IHO1: variants seen among roughly 807,000 people sequenced by gnomAD.
IHO1 encodes the protein interactor of HORMAD1 1, also known as interactor of HORMAD1 protein 1.
In IHO1, 13 loss-of-function variants were observed where a neutral mutation model predicts 31.0. The observed-to-expected ratio is 0.42, with a 90% confidence interval of 0.27 to 0.67. The LOEUF is 0.67. Among genes scored for constraint, IHO1 ranks in the 30% least tolerant of loss-of-function variants. The pLI, the probability that IHO1 is intolerant of heterozygous loss-of-function variation, is 0.24. For synonymous variants in IHO1, 221 were observed against 248.4 expected (o/e 0.89, Z 1.04); for missense variants, 599 against 687.5 (o/e 0.87, Z 1.44).
chr3:49,209,360 C>T (rs1053234470), intron 1 of IHO1, among the ~76,000 whole-genome samples: 4 of 152,060 alleles, frequency 2.6e-5, no homozygotes, highest in African/African-American at 7.2e-5. Flanking sequence ...TCTGGCTGGG[C>T]ACAGTGGCTT....
chr3:49,235,259 C>G (rs2107717213), intron 2 of IHO1, among the ~76,000 whole-genome samples: 2 of 142,488 alleles, frequency 1.4e-5, no homozygotes, highest in South Asian at 4.5e-4. Context: ...AGGAGTCTTA[C>G]TCTGTTGCCC....
intron 1 of IHO1, among the ~76,000 whole-genome samples, chr3:49,208,221 A>AT (rs2046165601): frequency 6.6e-6 from 1 of 152,196 alleles, no homozygotes; most frequent in Non-Finnish European, 1.5e-5. Flanking sequence ...TTACAATGCA[A>AT]TTTAGTTCCC....
chr3:49,209,739 G>A (rs1049484258), intron 1 of IHO1, among the ~76,000 whole-genome samples: 2 of 151,156 alleles, frequency 1.3e-5, no homozygotes, highest in Admixed American at 1.3e-4. Context: ...TTTTGAGAAG[G>A]AGTCTTGCAC....
At chr3:49,222,781 G>A (rs1199090993) in intron 2 of IHO1, among the ~76,000 whole-genome samples, 3 of 152,040 alleles carry the variant, frequency 2.0e-5, no homozygotes, top group Non-Finnish European at 4.4e-5. Context: ...CCAATGGTTC[G>A]CAAGTTTATT....
chr3:49,224,801 C>T (rs1459358700), intron 2 of IHO1, among the ~76,000 whole-genome samples: 1 of 152,232 alleles, frequency 6.6e-6, no homozygotes, highest in Admixed American at 6.5e-5. Context: ...GGCAGTCACA[C>T]TTGATTGGTT....
Position 49,256,138 on chromosome 3 carries a change from A to C in IHO1, c.641A>C (p.Gln214Pro). The change falls in exon 8 of 8, where the codon CAA (glutamine) becomes CCA (proline). Residue 214 changes from glutamine (Q) to proline (P), a missense_variant. Coordinates refer to ENST00000452691, the MANE Select transcript of IHO1 (RefSeq NM_001135197.2). The surrounding 1 kb of genome is among the most constrained non-coding windows in gnomAD (Gnocchi z 4.6). ...LEMKKRFEAR[Q>P]GEFIEMKSNL... ...TCTCACTGCCTCTCTCCCCAGAGAC[A>C]AGGAGAGTTTATAGAAATGAAGTCC... is the stretch of plus-strand genomic sequence containing the variant. 3.1e-6 allele frequency: 5 copies of C among 1,604,320 alleles called. No individual in the cohort carries two copies. The highest frequency in any genetic ancestry group is 4.3e-6 in the Non-Finnish European group (5 of 1,175,188).
chr3:49,207,578 C>A (rs2046155416), intron 1 of IHO1, among the ~76,000 whole-genome samples: 1 of 151,552 alleles, frequency 6.6e-6, no homozygotes, highest in South Asian at 2.1e-4. Context: ...TAGAAGCTGC[C>A]GATTTAATAC....
chr3:49,256,913 T>G lies in IHO1; in HGVS notation c.1416T>G (p.Asn472Lys). ...KQIPIQTCKF[N>K]SKYQSPQPAI... is the part of the protein sequence containing the mutation. The stretch of plus-strand genomic sequence containing the variant: ...TCCCAATCCAGACCTGTAAATTCAA[T>G]TCCAAATATCAGAGTCCTCAGCCTG... The change falls in exon 8 of 8, where the codon AAT becomes AAG. Residue 472 changes from asparagine to lysine, a missense_variant. By Grantham distance (94) the Asn-to-Lys change is moderately conservative. Transcript: ENST00000452691. This position sits in a 1 kb window ranked among gnomAD's most constrained non-coding sequence, Gnocchi z 4.6. 6.2e-7 allele frequency: 1 copy of G among 1,614,168 alleles called. No homozygotes were observed. Among genetic ancestry groups the G allele is most frequent in the Non-Finnish European group, 8.5e-7 (1 of 1,180,022 alleles).
At chr3:49,196,540 T>TGGAATGACCTCGGCTCACTGCAAC (rs2045997697), upstream of IHO1, among the ~76,000 whole-genome samples, 1 of 150,818 alleles carries the variant, frequency 6.6e-6, no homozygotes, top group African/African-American at 2.4e-5. Flanking sequence ...TGGAGTGCAA[T>TGGAATGACCTCGGCTCACTGCAAC]GGCATGACCT....
chr3:49,244,720 T>G lies in IHO1; in HGVS notation c.519T>G (p.Thr173=). The G allele has an allele frequency of 6.2e-7, 1 of 1,614,096 alleles. No homozygotes were observed. The highest frequency in any genetic ancestry group is 8.5e-7 in the Non-Finnish European group (1 of 1,179,960). ...RSQSILDSLE[T]VAKTLQETIQ... ...AATCTATTTTGGATTCTTTGGAGAC[T>G]GTGGCCAAGACATGTGAGTGCCTCA... The change falls in exon 6 of 8, where the codon ACT becomes ACG. Residue 173 remains threonine, a synonymous_variant. Transcript: ENST00000452691.
Position 49,256,912 on chromosome 3 carries a change from A to G in IHO1, c.1415A>G (p.Asn472Ser), listed in dbSNP as rs749746107. The part of the protein sequence containing the change: ...KQIPIQTCKF[N>S]SKYQSPQPAI... The stretch of plus-strand genomic sequence containing the variant: ...ATCCCAATCCAGACCTGTAAATTCA[A>G]TTCCAAATATCAGAGTCCTCAGCCT... Residue 472 changes from asparagine to serine, a missense_variant, in exon 8 of 8, where the codon AAT (asparagine) becomes AGT (serine). Transcript: ENST00000452691. This position sits in a 1 kb window ranked among gnomAD's most constrained non-coding sequence, Gnocchi z 4.6. 5.0e-6 allele frequency: 8 copies of G among 1,614,214 alleles called. No homozygotes were observed. The highest frequency in any genetic ancestry group is 6.8e-6 in the Non-Finnish European group (8 of 1,180,038).
At chr3:49,251,379 G>A in intron 6 of IHO1, among the ~76,000 whole-genome samples, 1 of 149,914 alleles carries the variant, frequency 6.7e-6, no homozygotes, top group East Asian at 2.0e-4. Flanking sequence ...TCTGCCTCCT[G>A]GGTTCAAGTG....
chr3:49,253,427 AAAAG>A (rs1445260095), intron 6 of IHO1, among the ~76,000 whole-genome samples: 3 of 152,246 alleles, frequency 2.0e-5, no homozygotes, highest in Admixed American at 6.5e-5. Flanking sequence ...CTGTCTCAAA[AAAAG>A]AAAGAAAGAA....
chr3:49,193,875 T>C (rs1289056415), upstream of IHO1, among the ~76,000 whole-genome samples: 2 of 149,244 alleles, frequency 1.3e-5, no homozygotes, highest in East Asian at 4.0e-4. Context: ...GGCAGAAGAA[T>C]CGCTTGAACC....
chr3:49,237,923 C>CA (rs1259790863), intron 3 of IHO1, among the ~76,000 whole-genome samples: 6 of 61,744 alleles, frequency 9.7e-5, no homozygotes, highest in Admixed American at 5.2e-4. Flanking sequence ...TTTTTTGAGA[C>CA]AGAGTCTTGC....
At chr3:49,239,912 C>T (rs979585185) in intron 3 of IHO1, among the ~76,000 whole-genome samples, 15 of 152,080 alleles carry the variant, frequency 9.9e-5, no homozygotes, top group Non-Finnish European at 1.6e-4. Context: ...CTGCCCACTT[C>T]GGCCTCCCAA....
chr3:49,241,075 T>A (rs541917268), intron 3 of IHO1, 151 bp from the exon 4 acceptor site: 9 of 474,586 alleles, frequency 1.9e-5, no homozygotes, highest in Non-Finnish European at 3.3e-5. Context: ...AATTTTCTGG[T>A]GTATACAAAG....
In IHO1 at chr3:49,211,750, C is replaced by T. The variant is rs765296468; in HGVS notation, c.-15-16C>T. On this transcript the variant is annotated splice_polypyrimidine_tract_variant and intron_variant, in intron 1 of 7. Coordinates refer to ENST00000452691, the MANE Select transcript of IHO1 (RefSeq NM_001135197.2). ...TACTGTTAACTTTCTTAATATTCAC[C>T]TATTCTTTCTAATAGGTATAACTAT... 40 of 1,190,774 alleles carry T rather than the reference C, an allele frequency of 3.4e-5. 1 individual carries two copies. In the South Asian group the frequency reaches 4.8e-4, roughly 14 times the overall value. The allele number at this position is 1,190,774 out of a possible 1,614,324, so 73.8% of individuals were successfully genotyped here.
In IHO1 at chr3:49,232,490, G is replaced by T. The variant is rs183297590; in HGVS notation, c.57-4058G>T. Among the ~76,000 whole-genome samples the T allele has an allele frequency of 2.6e-5, 4 of 152,188 alleles. No individual in the cohort carries two copies. The East Asian group carries it at 5.8e-4, about 22-fold the overall frequency. On this transcript the variant is annotated intron_variant, in intron 2 of 7. Coordinates refer to ENST00000452691, the MANE Select transcript of IHO1 (RefSeq NM_001135197.2). The stretch of plus-strand genomic sequence containing the variant: ...GGTAAAATAATAACTTGGGGTAGTG[G>T]TTATGCTTGTGTTTCTCCAAGACGG...
Sources: gnomAD v4.1 joint callset for allele counts (sites outside exome capture counted in the v4.1 genomes callset) on GRCh38, gnomAD v4.1.1 for gene constraint, Gnocchi (gnomAD v3.1) non-coding constraint, MANE v1.5 for transcripts, NCBI Gene and HGNC (gene_info 2026-07-23, HGNC 2026-07-21) for gene names.